The following OPRK1 variants were observed in gnomAD, a reference collection of about 807,000 sequenced individuals.
The protein encoded by OPRK1 is opioid receptor kappa 1.
Under a neutral mutation model 24.5 loss-of-function variants are expected in OPRK1, and 15 were observed. The observed-to-expected ratio is 0.61, with a 90% CI of 0.41 to 0.94. OPRK1 has a LOEUF of 0.94. Ranked by LOEUF, OPRK1 falls within the 40% of genes least tolerant of loss-of-function variation. OPRK1 has a pLI of 0.00. For synonymous variants in OPRK1, 205 were observed against 198.0 expected (o/e 1.04, Z -0.30); for missense variants, 479 against 507.3 (o/e 0.94, Z 0.54).
intron 2 of OPRK1, chr8:53,238,624 G>C (rs1807049250): frequency 1.0e-6 from 1 of 985,320 alleles, no homozygotes; most frequent in South Asian, 4.7e-5. Flanking sequence ...TTTAACTCAA[G>C]ACCATCCTAG....
intron 2 of OPRK1, among the ~76,000 whole-genome samples, chr8:53,235,858 A>T (rs1806979868): frequency 6.6e-6 from 1 of 152,192 alleles, no homozygotes; most frequent in African/African-American, 2.4e-5. Flanking sequence ...GGTAAGAAAG[A>T]TTGCTTTTAT....
Position 53,229,396 on chromosome 8 carries a change from C to T in OPRK1, c.1044G>A (p.Leu348=). 3 of 1,614,214 alleles carry T rather than the reference C, an allele frequency of 1.9e-6. No individual in the cohort carries two copies. Among genetic ancestry groups the T allele is most frequent in the Non-Finnish European group, 2.5e-6 (3 of 1,180,046 alleles). Reference sequence around the variant, plus strand: ...TGCTCTGCCGCTCCATCCTCATCTTCAGTGGAAAGCAGAAGTCCCGGAAAC... The same window carrying T: ...TGCTCTGCCGCTCCATCCTCATCTTTAGTGGAAAGCAGAAGTCCCGGAAAC... ...KRCFRDFCFP[L]KMRMERQSTS... Residue 348 remains leucine (L), a synonymous_variant, in exon 4 of 4, where the codon CTG becomes CTA. Transcript: ENST00000265572.
chr8:53,239,668 T>C (rs550183000), intron 2 of OPRK1, among the ~76,000 whole-genome samples: 1 of 152,216 alleles, frequency 6.6e-6, no homozygotes, highest in Non-Finnish European at 1.5e-5. Context: ...AAATGAGACA[T>C]GCATAAAATT....
chr8:53,230,719 T>C (rs900102360), intron 3 of OPRK1, among the ~76,000 whole-genome samples: 32 of 152,096 alleles, frequency 2.1e-4, no homozygotes, highest in African/African-American at 7.7e-4. Context: ...GGGCTCACCT[T>C]TCCCCAAACA....
intron 2 of OPRK1, among the ~76,000 whole-genome samples, chr8:53,240,555 G>A (rs1409512291): frequency 7.9e-5 from 12 of 152,088 alleles, no homozygotes; most frequent in Admixed American, 3.9e-4. Flanking sequence ...CTTCACAAAT[G>A]ATGGAAGATG....
At chr8:53,235,336 C>T (rs1563328051) in intron 2 of OPRK1, among the ~76,000 whole-genome samples, 1 of 152,132 alleles carries the variant, frequency 6.6e-6, no homozygotes, top group Non-Finnish European at 1.5e-5. Context: ...TAAAAAATTT[C>T]AATATAGAAG....
rs562062453 is a variant in OPRK1 at position 53,241,537 on chromosome 8, A to G, written c.258-6426T>C. 4.6e-5 allele frequency among the ~76,000 whole-genome samples: 7 copies of G among 152,276 alleles called. No individual in the cohort carries two copies. In the South Asian group the frequency reaches 1.0e-3, roughly 23 times the overall value. Reference sequence around the variant, plus strand: ...AAAGAAAGGTAAAAGGAAAGGAAAGAAAAAAGAAAAGGAAAGGGAAAGAGA... The same window carrying G: ...AAAGAAAGGTAAAAGGAAAGGAAAGGAAAAAGAAAAGGAAAGGGAAAGAGA... On this transcript the variant is annotated intron_variant, in intron 2 of 3. Coordinates refer to ENST00000265572, the MANE Select transcript of OPRK1 (RefSeq NM_000912.5).
At chr8:53,238,578 G>A in intron 2 of OPRK1, 14 of 985,506 alleles carry the variant, frequency 1.4e-5, no homozygotes, top group Non-Finnish European at 1.7e-5. Flanking sequence ...AGGGCGGAGG[G>A]TGTTCCAGAG....
intron 3 of OPRK1, among the ~76,000 whole-genome samples, chr8:53,232,921 G>A (rs1054011229): frequency 6.6e-6 from 1 of 152,184 alleles, no homozygotes; most frequent in South Asian, 2.1e-4. Flanking sequence ...GAAAATATTA[G>A]AGTCAACATT....
Position 53,250,944 on chromosome 8 carries a change from C to A in OPRK1, c.94G>T (p.Gly32Cys). Residue 32 changes from glycine (G) to cysteine (C), a missense_variant, in exon 2 of 4, where the codon GGC becomes TGC. Physicochemically the swap from Gly to Cys is radical, Grantham distance 159. Transcript: ENST00000265572. Reference protein sequence around the residue: ...LPPNSSAWFPGWAEPDSNGSA... With the variant: ...LPPNSSAWFPCWAEPDSNGSA... ...CCGTTGCTGTCGGGCTCGGCCCAGCCGGGAAACCAGGCGCTGCTGTTGGGG... is the reference window on the plus strand; with the variant it reads ...CCGTTGCTGTCGGGCTCGGCCCAGCAGGGAAACCAGGCGCTGCTGTTGGGG... The A allele has an allele frequency of 6.2e-7, 1 of 1,610,612 alleles. No homozygotes were observed.
intron 2 of OPRK1, among the ~76,000 whole-genome samples, chr8:53,236,480 T>C (rs994607208): frequency 5.3e-5 from 8 of 152,218 alleles, no homozygotes; most frequent in Admixed American, 1.3e-4. Flanking sequence ...AGTTTCCATT[T>C]GGATGTTCTG....
intron 2 of OPRK1, among the ~76,000 whole-genome samples, chr8:53,240,032 G>A (rs1807079918): frequency 1.3e-5 from 2 of 152,162 alleles, no homozygotes; most frequent in Non-Finnish European, 2.9e-5. Flanking sequence ...GATGAGGACG[G>A]TCAAGTATGC....
chr8:53,236,899 G>C (rs1280920188), intron 2 of OPRK1, among the ~76,000 whole-genome samples: 1 of 152,108 alleles, frequency 6.6e-6, no homozygotes, highest in Non-Finnish European at 1.5e-5. Context: ...CTTTCTTTAT[G>C]AAGTCAGAGT....
In OPRK1 at chr8:53,228,500, C is replaced by T. The variant is rs1411611571; in HGVS notation, c.*797G>A. The T allele has an allele frequency of 6.6e-6, 1 of 152,162 alleles. No individual in the cohort carries two copies. The highest frequency in any genetic ancestry group is 6.5e-5 in the Admixed American group (1 of 15,276). 9.4% of individuals were successfully genotyped at this position (152,162 alleles called of 1,614,324 possible). On this transcript the variant is annotated 3_prime_UTR_variant, in exon 4 of 4. Transcript: ENST00000265572. ...GGGAGGCAAGCCTATTCCTTATTCA[C>T]ACAGGTACTATTATTTACAGAAGAT... is the stretch of plus-strand genomic sequence containing the variant.
Position 53,226,041 on chromosome 8 carries a change from A to C in OPRK1, c.*3256T>G, listed in dbSNP as rs7816712. 9.9e-5 allele frequency: 15 copies of C among 152,126 alleles called. No individual in the cohort carries two copies. The highest frequency in any genetic ancestry group is 3.6e-4 in the African/African-American group (15 of 41,470). The allele number at this position is 152,126 out of a possible 1,614,324, so 9.4% of individuals were successfully genotyped here. A position where few individuals can be genotyped will look rare whatever the true frequency, so the allele number is the denominator to read the frequency against. On this transcript the variant is annotated 3_prime_UTR_variant, in exon 4 of 4. Transcript: ENST00000265572. ...TTAAAGTCAGCCAGTGTGCTCCCTG[A>C]ATTTGCATGAGTCATCGTATTTCAT...
chr8:53,244,388 G>C (rs1335536216), intron 2 of OPRK1, among the ~76,000 whole-genome samples: 3 of 152,324 alleles, frequency 2.0e-5, no homozygotes, highest in African/African-American at 7.2e-5. Context: ...GCAGAAATTT[G>C]AGTTCAGGAA....
At chr8:53,245,591 G>C (rs1807209817) in intron 2 of OPRK1, among the ~76,000 whole-genome samples, 1 of 152,208 alleles carries the variant, frequency 6.6e-6, no homozygotes, top group African/African-American at 2.4e-5. Flanking sequence ...GAGTCCAGCT[G>C]AGTCTGCAGA....
At chr8:53,235,232 A>G in intron 2 of OPRK1, 121 bp from the exon 3 acceptor site, 2 of 744,974 alleles carry the variant, frequency 2.7e-6, no homozygotes, top group East Asian at 2.7e-5. Flanking sequence ...TCTTATATTC[A>G]TTGAGGGTCT....
Position 53,230,992 on chromosome 8 carries a change from C to A in OPRK1, c.611-1163G>T, listed in dbSNP as rs1028812515. Among the ~76,000 whole-genome samples, 5 of 151,972 alleles carry A rather than the reference C, an allele frequency of 3.3e-5. No homozygotes were observed. In the South Asian group the frequency reaches 1.0e-3, roughly 32 times the overall value. ...AATCTTAATAGAATATCCAATCTTA[C>A]TAGAATTTTAATTACATATACTTTA... On this transcript the variant is annotated intron_variant, in intron 3 of 3. Transcript: ENST00000265572.
Sources: allele counts gnomAD v4.1 joint callset (sites outside exome capture counted in the v4.1 genomes callset), GRCh38; gene constraint gnomAD v4.1.1; transcripts MANE v1.5; gene names NCBI Gene and HGNC (gene_info 2026-07-23, HGNC 2026-07-21).